ACTR3B: variants seen among roughly 807,000 people sequenced by gnomAD.
ACTR3B encodes actin-related protein 3B.
ACTR3B carries 8 observed loss-of-function variants against 59.0 expected under a neutral mutation model. The observed-to-expected ratio is 0.14, with a 90% CI of 0.08 to 0.24. The LOEUF is 0.24. ACTR3B is among the 10% of genes least tolerant of loss of function. ACTR3B has a pLI of 1.00. For missense variants in ACTR3B, 245 were observed against 552.3 expected, an observed-to-expected ratio of 0.44 and a Z score of 5.58; for synonymous variants, 148 against 197.9, an observed-to-expected ratio of 0.75 and a Z score of 2.12.
chr7:152,821,840 C>A lies in ACTR3B; in HGVS notation c.684+1398C>A, dbSNP rs187870896. ...GAAAGGCGTGGTTTAGAGCTCCCCC[C>A]GCTTCCCCTTACTGCCATGGCCTTC... On this transcript the variant is annotated intron_variant, in intron 7 of 11. Coordinates refer to ENST00000256001, the MANE Select transcript of ACTR3B (RefSeq NM_020445.6). Among the ~76,000 whole-genome samples the A allele has an allele frequency of 7.1e-3, 1,078 of 152,290 alleles. 4 individuals are homozygous for A. Among genetic ancestry groups the A allele is most frequent in the South Asian group, 0.029 (141 of 4,822 alleles).
chr7:152,762,443 T>C (rs1033881979), intron 1 of ACTR3B, among the ~76,000 whole-genome samples: 21 of 152,248 alleles, frequency 1.4e-4, no homozygotes, highest in Non-Finnish European at 2.4e-4. Flanking sequence ...TTACCAACTG[T>C]TAACATTTGC....
At chr7:152,759,949 C>T in intron 1 of ACTR3B, 23 bp downstream of exon 1, 2 of 1,348,402 alleles carry the variant, frequency 1.5e-6, no homozygotes, top group East Asian at 3.1e-5. Context: ...CGGCGCCCAC[C>T]CCCGCTCCTC....
intron 9 of ACTR3B, among the ~76,000 whole-genome samples, chr7:152,836,320 G>T (rs974746640): frequency 6.6e-6 from 1 of 151,828 alleles, no homozygotes; most frequent in African/African-American, 2.4e-5. Flanking sequence ...GTTAAGCTGG[G>T]TGCAGGGGCT....
intron 9 of ACTR3B, among the ~76,000 whole-genome samples, chr7:152,833,235 A>G (rs2116918515): frequency 6.6e-6 from 1 of 152,304 alleles, no homozygotes; most frequent in East Asian, 1.9e-4. Flanking sequence ...TTTGCCATTA[A>G]TTGTTATGTC....
At chr7:152,794,182 G>GTA (rs920772153) in intron 2 of ACTR3B, among the ~76,000 whole-genome samples, 2 of 152,024 alleles carry the variant, frequency 1.3e-5, no homozygotes, top group Non-Finnish European at 2.9e-5. Context: ...TTGTGTGTGT[G>GTA]TATATGTGTT....
intron 9 of ACTR3B, among the ~76,000 whole-genome samples, chr7:152,831,953 C>T (rs1173825868): frequency 6.6e-6 from 1 of 152,140 alleles, no homozygotes; most frequent in Non-Finnish European, 1.5e-5. Flanking sequence ...TGATGATTTT[C>T]TGCAGGAGTG....
At chr7:152,853,122 G>T (rs992334901) in intron 10 of ACTR3B, among the ~76,000 whole-genome samples, 1 of 151,486 alleles carries the variant, frequency 6.6e-6, no homozygotes, top group Non-Finnish European at 1.5e-5. Flanking sequence ...TTATTTTGAG[G>T]ATGGTTAATC....
chr7:152,853,931 C>G (rs1054453982), intron 11 of ACTR3B, among the ~76,000 whole-genome samples: 1 of 151,910 alleles, frequency 6.6e-6, no homozygotes, highest in Non-Finnish European at 1.5e-5. Context: ...GCTGTGTTGG[C>G]CAGGCTGGTC....
At chr7:152,821,802 A>G (rs946138425) in intron 7 of ACTR3B, among the ~76,000 whole-genome samples, 11 of 152,196 alleles carry the variant, frequency 7.2e-5, no homozygotes, top group African/African-American at 2.7e-4. Flanking sequence ...CTCTCTTTGA[A>G]GGAACAGATC....
chr7:152,809,139 TC>T (rs1184669612), intron 4 of ACTR3B, among the ~76,000 whole-genome samples: 5 of 151,090 alleles, frequency 3.3e-5, no homozygotes, highest in Non-Finnish European at 7.4e-5. Context: ...CTTTTTAGGT[TC>T]CCTATTTGCA....
intron 9 of ACTR3B, among the ~76,000 whole-genome samples, chr7:152,825,817 C>T (rs1389875060): frequency 6.6e-6 from 1 of 151,754 alleles, no homozygotes; most frequent in Non-Finnish European, 1.5e-5. Context: ...AAGTTAGAGC[C>T]CAAAATGGGA....
chr7:152,838,374 TG>T (rs1174987705), intron 9 of ACTR3B, among the ~76,000 whole-genome samples: 3 of 152,220 alleles, frequency 2.0e-5, no homozygotes, highest in Admixed American at 1.3e-4. Flanking sequence ...GATGAGTTCA[TG>T]TCCTTTGCAG....
intron 9 of ACTR3B, among the ~76,000 whole-genome samples, chr7:152,834,528 G>C (rs1797291350): frequency 6.6e-6 from 1 of 152,276 alleles, no homozygotes; most frequent in Admixed American, 6.5e-5. Flanking sequence ...GATATGTCCT[G>C]TTGTATTTAT....
At chr7:152,806,809 T>G (rs2098253588) in intron 4 of ACTR3B, among the ~76,000 whole-genome samples, 1 of 152,262 alleles carries the variant, frequency 6.6e-6, no homozygotes, top group Non-Finnish European at 1.5e-5. Flanking sequence ...TGCTTTTTTC[T>G]GGGCCTGTTG....
At chr7:152,852,349 G>A (rs1798881368) in intron 10 of ACTR3B, 98 bp downstream of exon 10, 1 of 1,428,624 alleles carries the variant, frequency 7.0e-7, no homozygotes, top group Non-Finnish European at 9.3e-7. Context: ...TCTGGGCCGC[G>A]TAAAATAAAA....
intron 9 of ACTR3B, among the ~76,000 whole-genome samples, chr7:152,846,464 C>G (rs1211459536): frequency 7.2e-6 from 1 of 139,442 alleles, no homozygotes; most frequent in African/African-American, 2.7e-5. Context: ...AGTGCCCGGG[C>G]TGTAGTCTGT....
At position 152,844,344 on chromosome 7, in the gene ACTR3B, C is replaced by T. The variant is rs117160865; in HGVS notation, c.952-7782C>T. Among the ~76,000 whole-genome samples the T allele has an allele frequency of 2.6e-3, 394 of 152,140 alleles. 10 individuals carry two copies. The East Asian group carries it at 0.06, about 23-fold the overall frequency. On this transcript the variant is annotated intron_variant, in intron 9 of 11. Transcript: ENST00000256001. ...AAGTGCTGAGATTACAGGCATGAGCCGTCACGCCAGACCTAAAAAACTTTT... is the reference window on the plus strand; with the variant it reads ...AAGTGCTGAGATTACAGGCATGAGCTGTCACGCCAGACCTAAAAAACTTTT...
chr7:152,814,291 G>A (rs866113535), intron 4 of ACTR3B: 17 of 403,450 alleles, frequency 4.2e-5, no homozygotes, highest in Middle Eastern at 6.6e-4. Context: ...GAAGATAAGA[G>A]TTTCTTTTTC....
At chr7:152,806,541 A>T (rs996906408) in intron 4 of ACTR3B, among the ~76,000 whole-genome samples, 3 of 152,210 alleles carry the variant, frequency 2.0e-5, no homozygotes, top group Admixed American at 1.3e-4. Context: ...GTGGCTAACA[A>T]TCTCTCTACT....
Sources: allele counts gnomAD v4.1 joint callset (sites outside exome capture counted in the v4.1 genomes callset), GRCh38; gene constraint gnomAD v4.1.1; transcripts MANE v1.5; gene names NCBI Gene and HGNC (gene_info 2026-07-23, HGNC 2026-07-21).